Variants in BRD4 observed in about 807,000 individuals in gnomAD.
BRD4 encodes the protein bromodomain-containing protein 4.
A neutral mutation model predicts 142.1 loss-of-function variants in BRD4; 16 were observed. The ratio of observed to expected loss-of-function variants is 0.11; its 90% CI spans 0.08 to 0.17. BRD4 has a LOEUF of 0.17. BRD4 is among the 10% of genes least tolerant of loss of function. The probability of loss-of-function intolerance (pLI) is 1.00; values close to 1 mark genes in which losing one functional copy is unlikely to be tolerated. For synonymous variants in BRD4, 833 were observed against 707.5 expected, an observed-to-expected ratio of 1.18 and a Z score of -2.82; for missense variants, 1,424 against 1,810.9, an observed-to-expected ratio of 0.79 and a Z score of 3.88.
chr19:15,325,346 A>G (rs1178209747), intron 1 of BRD4, among the ~76,000 whole-genome samples: 1 of 152,194 alleles, frequency 6.6e-6, no homozygotes, highest in Admixed American at 6.6e-5. Context: ...CTGGATGCCA[A>G]GAGGCTGCCC....
chr19:15,242,410 G>GT (rs2047245217), intron 14 of BRD4, among the ~76,000 whole-genome samples: 1 of 152,188 alleles, frequency 6.6e-6, no homozygotes, highest in South Asian at 2.1e-4. Context: ...CTGGAGGCTG[G>GT]TAACAGGCGA....
In BRD4 at chr19:15,332,353, G is replaced by C. The variant is rs1173870895; in HGVS notation, c.-98C>G. The C allele has an allele frequency of 9.6e-5, 14 of 145,530 alleles. No individual in the cohort carries two copies. The East Asian group carries it at 2.4e-3, about 25-fold the overall frequency. 9.0% of individuals were successfully genotyped at this position (145,530 alleles called of 1,614,324 possible). A position where few individuals can be genotyped will look rare whatever the true frequency, so the allele number is the denominator to read the frequency against. ...CGCCCGCTGCCGCCGCCCCCTCCCC[G>C]AGCTGCCTGCGCGGCGCCGGGGCCC... On this transcript the variant is annotated 5_prime_UTR_variant, in exon 1 of 20. Coordinates refer to ENST00000679869, the MANE Select transcript of BRD4 (RefSeq NM_001379291.1).
chr19:15,329,089 T>C (rs1172482048), intron 1 of BRD4, among the ~76,000 whole-genome samples: 2 of 152,036 alleles, frequency 1.3e-5, no homozygotes, highest in Non-Finnish European at 2.9e-5. Context: ...GCTTTTTTTT[T>C]TTTTAAGTTA....
chr19:15,245,709 G>T (rs1230045743), intron 11 of BRD4, among the ~76,000 whole-genome samples: 1 of 152,196 alleles, frequency 6.6e-6, no homozygotes, highest in African/African-American at 2.4e-5. Flanking sequence ...ATGAGCCCTG[G>T]CCAGTGCTCA....
chr19:15,277,075 A>G lies in BRD4; in HGVS notation c.-34-3942T>C, dbSNP rs749184258. 1.8e-4 allele frequency among the ~76,000 whole-genome samples: 27 copies of G among 152,324 alleles called. 1 individual carries two copies. In the South Asian group the frequency reaches 5.4e-3, roughly 30 times the overall value. On this transcript the variant is annotated intron_variant, in intron 1 of 19. Coordinates refer to ENST00000679869, the MANE Select transcript of BRD4 (RefSeq NM_001379291.1). The stretch of plus-strand genomic sequence containing the variant: ...CAACATCTTCAAAGTTTTCCGTTGA[A>G]AAGATTAAAAACTGCTGCTCCCTCT...
chr19:15,313,373 TAAAAA>T (rs33991091), intron 1 of BRD4, among the ~76,000 whole-genome samples: 1 of 99,988 alleles, frequency 1.0e-5, no homozygotes, highest in Non-Finnish European at 2.0e-5. Flanking sequence ...ACTCCATCTT[TAAAAA>T]AAAAAAAAAA....
intron 1 of BRD4, among the ~76,000 whole-genome samples, chr19:15,303,572 A>G (rs975367243): frequency 3.9e-5 from 6 of 152,226 alleles, no homozygotes; most frequent in Non-Finnish European, 7.3e-5. Flanking sequence ...TGTCATTACA[A>G]TAAAATGCAA....
chr19:15,254,350 G>C, intron 10 of BRD4, 88 bp from the exon 11 acceptor site: 1 of 1,167,232 alleles, frequency 8.6e-7, no homozygotes, highest in Non-Finnish European at 1.3e-6. Flanking sequence ...CCATCTGGAG[G>C]AAGGACCAGT....
intron 1 of BRD4, among the ~76,000 whole-genome samples, chr19:15,305,757 A>G (rs1357440325): frequency 6.6e-6 from 1 of 152,222 alleles, no homozygotes; most frequent in Admixed American, 6.5e-5. Context: ...TTTGAAGCCA[A>G]GTATTGATTT....
At position 15,265,547 on chromosome 19, in the gene BRD4, T is replaced by C. The variant is rs546139174; in HGVS notation, c.656A>G (p.Gln219Arg). The C allele has an allele frequency of 6.2e-7, 1 of 1,613,928 alleles. No individual in the cohort carries two copies. Among genetic ancestry groups the C allele is most frequent in the East Asian group, 2.2e-5 (1 of 44,872 alleles). ...GGCAGGGAAGGGGTGAGGCGTGGCCTGCACAGGAGGAGGATTCGGCTGAGG... is the reference window on the plus strand; with the variant it reads ...GGCAGGGAAGGGGTGAGGCGTGGCCCGCACAGGAGGAGGATTCGGCTGAGG... ...QTPQPNPPPV[Q>R]ATPHPFPAVT... is the part of the protein sequence containing the mutation. Residue 219 changes from glutamine (Q) to arginine (R), a missense_variant, in exon 5 of 20, where the codon CAG (glutamine) becomes CGG (arginine). Gln to Arg is a conservative substitution (Grantham distance 43, BLOSUM62 1). This residue lies in a region of BRD4 where 140 missense variants were observed against 131.7 expected (regional missense o/e 1.06). Transcript: ENST00000679869.
intron 1 of BRD4, among the ~76,000 whole-genome samples, chr19:15,292,994 G>A (rs923401757): frequency 6.6e-6 from 1 of 151,830 alleles, no homozygotes; most frequent in Non-Finnish European, 1.5e-5. Context: ...CCCTGAAAGG[G>A]TGCTTCCTGC....
chr19:15,244,653 T>C (rs1174309027), intron 12 of BRD4, 53 bp from the exon 13 acceptor site: 1 of 1,613,934 alleles, frequency 6.2e-7, no homozygotes, highest in Non-Finnish European at 8.5e-7. Flanking sequence ...CAGGCAGAAC[T>C]GGCCCGGGCC....
At chr19:15,310,621 A>G (rs976238006) in intron 1 of BRD4, among the ~76,000 whole-genome samples, 2 of 151,742 alleles carry the variant, frequency 1.3e-5, no homozygotes, top group Non-Finnish European at 2.9e-5. Flanking sequence ...GGCCTCCCAA[A>G]GTACTGGGAT....
intron 1 of BRD4, among the ~76,000 whole-genome samples, chr19:15,285,719 A>G (rs1599488406): frequency 6.6e-6 from 1 of 152,192 alleles, no homozygotes; most frequent in Non-Finnish European, 1.5e-5. Context: ...AACTTTGGCT[A>G]ATTTTTATTA....
In BRD4 at chr19:15,237,644, G is replaced by C. The variant is rs1009824554; in HGVS notation, c.*733C>G. On this transcript the variant is annotated 3_prime_UTR_variant, in exon 20 of 20. Coordinates refer to ENST00000679869, the MANE Select transcript of BRD4 (RefSeq NM_001379291.1). ...ATAGAAAAAAAAGAAAAAAAAAAAC[G>C]AAACAGAAACACAGGTGGGAAGGAA... The C allele has an allele frequency of 1.1e-4, 26 of 228,002 alleles. No individual in the cohort carries two copies. The highest frequency in any genetic ancestry group is 4.5e-4 in the African/African-American group (20 of 44,762). 14.1% of individuals were successfully genotyped at this position (228,002 alleles called of 1,614,324 possible).
intron 11 of BRD4, chr19:15,247,540 T>A (rs1001499663): frequency 1.7e-5 from 4 of 233,020 alleles, no homozygotes; most frequent in African/African-American, 6.6e-5. Flanking sequence ...GGCTTGTGGC[T>A]ATGGCCCATG....
chr19:15,254,503 T>C (rs2047384697), intron 10 of BRD4, among the ~76,000 whole-genome samples: 1 of 152,054 alleles, frequency 6.6e-6, no homozygotes, highest in South Asian at 2.1e-4. Flanking sequence ...AAAGTCTCCT[T>C]TGGGGGGTTT....
intron 3 of BRD4, 64 bp from the exon 4 acceptor site, chr19:15,267,615 C>T (rs1009103872): frequency 3.9e-6 from 6 of 1,535,748 alleles, no homozygotes; most frequent in Admixed American, 1.9e-5. Flanking sequence ...GTAGACAGGG[C>T]ACCCCATGCC....
chr19:15,322,232 A>G (rs2048067486), intron 1 of BRD4, among the ~76,000 whole-genome samples: 1 of 152,066 alleles, frequency 6.6e-6, no homozygotes. Context: ...ACCAATTGCA[A>G]TCCACCATAT....
Sources: allele counts gnomAD v4.1 joint callset (sites outside exome capture counted in the v4.1 genomes callset), GRCh38; gene constraint gnomAD v4.1.1; regional missense constraint gnomAD v4.1.1; transcripts MANE v1.5; gene names NCBI Gene and HGNC (gene_info 2026-07-23, HGNC 2026-07-21).